KLHL13: variants seen among roughly 807,000 people sequenced by gnomAD.
The protein encoded by KLHL13 is kelch like family member 13.
Under a neutral mutation model 37.1 loss-of-function variants are expected in KLHL13, and 10 were observed. The ratio of observed to expected loss-of-function variants is 0.27; its 90% CI spans 0.17 to 0.46. KLHL13 has a LOEUF of 0.46. Among genes scored for constraint, KLHL13 ranks in the 20% least tolerant of loss-of-function variants. KLHL13 has a pLI of 1.00. For synonymous variants in KLHL13, 163 were observed against 181.2 expected, an observed-to-expected ratio of 0.90 and a Z score of 0.81; for missense variants, 360 against 509.3, an observed-to-expected ratio of 0.71 and a Z score of 2.82.
intron 1 of KLHL13, among the ~76,000 whole-genome samples, chrX:118,013,779 G>T (rs74546033): frequency 8.9e-6 from 1 of 112,461 alleles, no homozygotes; most frequent in Admixed American, 9.4e-5. Context: ...GGCTGGAGCC[G>T]AGGCAGAACA....
rs767908903 is a variant in KLHL13 at position 118,085,025 on chromosome X, A to AAATAAT, written c.-56+31477_-56+31482dup. ...GCAACAGAGCAAGACTCTGTCTAAA[A>AAATAAT]AATAATAATAATAATAATAATAATG... On this transcript the variant is annotated intron_variant, in intron 1 of 6. Coordinates refer to the KLHL13 transcript ENST00000371882. Among the ~76,000 whole-genome samples the AAATAAT allele has an allele frequency of 5.4e-3, 594 of 109,472 alleles. 2 individuals are homozygous for AAATAAT. Among genetic ancestry groups the AAATAAT allele is most frequent in the Non-Finnish European group, 8.8e-3 (463 of 52,595 alleles).
At chrX:118,107,319 A>G (rs926091111) in intron 1 of KLHL13, among the ~76,000 whole-genome samples, 1 of 111,659 alleles carries the variant, frequency 9.0e-6, no homozygotes, top group African/African-American at 3.3e-5. Flanking sequence ...TTCACCATAA[A>G]CTTTCTTGTC....
intron 1 of KLHL13, among the ~76,000 whole-genome samples, chrX:118,092,392 C>T (rs776826781): frequency 1.4e-3 from 160 of 110,852 alleles, no homozygotes; most frequent in Non-Finnish European, 2.6e-3. Flanking sequence ...AAAGAAGAGA[C>T]ACAAAGGATT....
At chrX:118,044,618 C>A (rs2054539115) in intron 1 of KLHL13, among the ~76,000 whole-genome samples, 1 of 111,200 alleles carries the variant, frequency 9.0e-6, no homozygotes, top group Admixed American at 9.5e-5. Context: ...ACAAAGGTGC[C>A]AAGAATATGC....
chrX:117,929,658 C>T (rs1240820992), intron 2 of KLHL13, among the ~76,000 whole-genome samples: 4 of 108,005 alleles, frequency 3.7e-5, no homozygotes, highest in Non-Finnish European at 7.7e-5. Flanking sequence ...AAAAAGTAAA[C>T]TCGCCAGATG....
At chrX:118,028,283 A>T in intron 1 of KLHL13, 141 bp downstream of exon 2, 1 of 351,031 alleles carries the variant, frequency 2.8e-6, no homozygotes, top group Non-Finnish European at 5.0e-6. Flanking sequence ...TTTCTTTGTC[A>T]CTTAGTCATT....
intron 1 of KLHL13, among the ~76,000 whole-genome samples, chrX:118,081,211 T>C (rs1406310663): frequency 2.7e-5 from 3 of 111,614 alleles, no homozygotes; most frequent in Non-Finnish European, 5.7e-5. Context: ...CCTGCATATG[T>C]GTACACCCTG....
chrX:117,913,848 G>GAAAAAAAAAAAAA (rs1201645166), intron 4 of KLHL13, among the ~76,000 whole-genome samples: 1 of 57,357 alleles, frequency 1.7e-5, no homozygotes, highest in Non-Finnish European at 3.5e-5. Context: ...TCAAAAAAAA[G>GAAAAAAAAAAAAA]AAAAAAAAAA....
exon 7 of KLHL13, chrX:117,898,698 G>T: frequency 2.6e-6 from 1 of 388,149 alleles, no homozygotes; most frequent in Non-Finnish European, 4.4e-6. Context: ...GCTTCTATGG[G>T]ATACATTTCC....
At chrX:118,038,553 T>A (rs1470913290) in intron 1 of KLHL13, among the ~76,000 whole-genome samples, 1 of 110,160 alleles carries the variant, frequency 9.1e-6, no homozygotes, top group Non-Finnish European at 1.9e-5. Flanking sequence ...CCTGTCAGAG[T>A]AGAGAGCAAC....
intron 1 of KLHL13, among the ~76,000 whole-genome samples, chrX:117,952,262 T>C (rs1385477216): frequency 9.0e-6 from 1 of 111,263 alleles, no homozygotes; most frequent in Non-Finnish European, 1.9e-5. Flanking sequence ...TATCTACAAC[T>C]ATCTGATCTT....
At chrX:117,963,971 T>C (rs2053359206) in intron 1 of KLHL13, among the ~76,000 whole-genome samples, 1 of 77,969 alleles carries the variant, frequency 1.3e-5, no homozygotes, top group Admixed American at 1.6e-4. Flanking sequence ...ATATTCTCAC[T>C]CATAGGTGGG....
intron 1 of KLHL13, among the ~76,000 whole-genome samples, chrX:118,000,689 T>C (rs1481532586): frequency 8.9e-6 from 1 of 112,158 alleles, no homozygotes; most frequent in African/African-American, 3.2e-5. Flanking sequence ...TGTAACTCAT[T>C]TGGCAGCAAA....
At chrX:118,015,937 A>G (rs1420488624) in intron 1 of KLHL13, among the ~76,000 whole-genome samples, 1 of 111,326 alleles carries the variant, frequency 9.0e-6, no homozygotes, top group Non-Finnish European at 1.9e-5. Flanking sequence ...TACTTCACCC[A>G]TGATAAAACC....
At chrX:117,914,802 G>A (rs1195216346) in intron 4 of KLHL13, among the ~76,000 whole-genome samples, 1 of 112,484 alleles carries the variant, frequency 8.9e-6, no homozygotes, top group East Asian at 2.8e-4. Context: ...TTTATTGAAT[G>A]CAATGTTAGT....
At chrX:118,034,947 G>C (rs1334482734) in intron 1 of KLHL13, among the ~76,000 whole-genome samples, 1 of 90,045 alleles carries the variant, frequency 1.1e-5, no homozygotes, top group Non-Finnish European at 2.1e-5. Context: ...ACTACCATCA[G>C]AGAATACTAC....
chrX:117,989,787 AC>A (rs1249196014), intron 1 of KLHL13, among the ~76,000 whole-genome samples: 2 of 111,191 alleles, frequency 1.8e-5, no homozygotes, highest in African/African-American at 6.5e-5. Context: ...GTTCAAGCAA[AC>A]CTCCCTCAGT....
chrX:117,989,122 AGATACTCCACAAAGTATTTT>A (rs1212450994), intron 1 of KLHL13, among the ~76,000 whole-genome samples: 1 of 111,947 alleles, frequency 8.9e-6, no homozygotes, highest in Non-Finnish European at 1.9e-5. Flanking sequence ...TTTTCTATCC[AGATACTCCACAAAGTATTTT>A]ACTTGCTTTA....
chrX:117,973,235 T>A (rs891389183), exon 1 of KLHL13: 11 of 962,440 alleles, frequency 1.1e-5, no homozygotes, highest in Non-Finnish European at 1.5e-5. Flanking sequence ...TCTGCACCTA[T>A]TAACCTGATT....
Sources: gnomAD v4.1 joint callset for allele counts (sites outside exome capture counted in the v4.1 genomes callset) on GRCh38, gnomAD v4.1.1 for gene constraint, MANE v1.5 for transcripts, NCBI Gene and HGNC (gene_info 2026-07-23, HGNC 2026-07-21) for gene names.